The following GBP7 variants were observed in gnomAD, a reference collection of about 807,000 sequenced individuals.
The protein encoded by GBP7 is guanylate-binding protein 7.
A neutral mutation model predicts 61.3 loss-of-function variants in GBP7; 43 were observed. The observed-to-expected ratio is 0.70, with a 90% CI of 0.55 to 0.91. GBP7 has a LOEUF of 0.91. Ranked by LOEUF, GBP7 falls within the 40% of genes least tolerant of loss-of-function variation. GBP7 has a pLI of 0.00. For synonymous variants in GBP7, 267 were observed against 271.0 expected (o/e 0.99, Z 0.14); for missense variants, 717 against 740.5 (o/e 0.97, Z 0.37).
At chr1:89,150,209 T>C (rs770593410) in intron 6 of GBP7, 121 bp downstream of exon 6, 275 of 912,008 alleles carry the variant, frequency 3.0e-4, no homozygotes, top group Non-Finnish European at 4.2e-4. Context: ...CCTTCACTTA[T>C]CCCACACCTC....
At chr1:89,148,610 T>G (rs372495677) in intron 7 of GBP7, among the ~76,000 whole-genome samples, 2 of 152,166 alleles carry the variant, frequency 1.3e-5, no homozygotes, top group African/African-American at 4.8e-5. Context: ...CCAGAGAAAT[T>G]AGAAACAAGA....
intron 3 of GBP7, among the ~76,000 whole-genome samples, chr1:89,164,178 C>T (rs72961499): frequency 0.011 from 1,733 of 152,146 alleles, 34 homozygotes; most frequent in African/African-American, 0.04. Flanking sequence ...CTAGCTAGTG[C>T]TTTTCTAGAC....
In GBP7 at chr1:89,147,755, C is replaced by A; in HGVS notation, c.1177G>T (p.Asp393Tyr). ...LVDTMEKKKEDFVLQNEEASA... is the reference protein window; with the variant it reads ...LVDTMEKKKEYFVLQNEEASA... ...GCCTCTTCATTCTGCAGCACAAAGTCTTCCTTCTTTTTCTCCATGGTGTCC... is the reference window on the plus strand; with the variant it reads ...GCCTCTTCATTCTGCAGCACAAAGTATTCCTTCTTTTTCTCCATGGTGTCC... The change falls in exon 8 of 11, where the codon GAC (aspartate) becomes TAC (tyrosine). Residue 393 changes from aspartate (D) to tyrosine (Y), a missense_variant. Transcript: ENST00000294671. 1 of 1,614,150 alleles carries A rather than the reference C, an allele frequency of 6.2e-7. No homozygotes were observed. Among genetic ancestry groups the A allele is most frequent in the Non-Finnish European group, 8.5e-7 (1 of 1,180,006 alleles).
intron 4 of GBP7, 45 bp downstream of exon 4, chr1:89,152,623 C>T (rs1682229413): frequency 6.3e-7 from 1 of 1,578,358 alleles, no homozygotes; most frequent in African/African-American, 1.4e-5. Flanking sequence ...GTTTCCATTC[C>T]CCTAAACTCC....
chr1:89,154,979 C>A (rs1483187264), intron 3 of GBP7, among the ~76,000 whole-genome samples: 2 of 152,038 alleles, frequency 1.3e-5, no homozygotes, highest in African/African-American at 4.8e-5. Context: ...CTCAAACAGC[C>A]GGGTGCCCCT....
intron 4 of GBP7, 61 bp from the exon 5 acceptor site, chr1:89,152,525 A>T: frequency 6.4e-7 from 1 of 1,558,114 alleles, no homozygotes; most frequent in Non-Finnish European, 8.8e-7. Flanking sequence ...CTCACTTAGA[A>T]ACAAGTTTTA....
chr1:89,152,642 TG>T (rs1380640791), intron 4 of GBP7, 25 bp downstream of exon 4: 1 of 1,601,994 alleles, frequency 6.2e-7, no homozygotes, highest in Non-Finnish European at 8.5e-7. Context: ...CCATAAAACC[TG>T]GCTCTTCACT....
At chr1:89,157,289 A>G (rs1251808091) in intron 3 of GBP7, among the ~76,000 whole-genome samples, 1 of 152,220 alleles carries the variant, frequency 6.6e-6, no homozygotes, top group East Asian at 1.9e-4. Flanking sequence ...ATCACAATTA[A>G]AAGAACTAGA....
intron 3 of GBP7, among the ~76,000 whole-genome samples, chr1:89,153,661 T>C (rs545045060): frequency 4.1e-4 from 63 of 152,292 alleles, no homozygotes; most frequent in African/African-American, 1.5e-3. Context: ...CAGATAGCAT[T>C]GTCAACATAA....
chr1:89,167,391 G>C (rs1348662317), intron 2 of GBP7, among the ~76,000 whole-genome samples: 1 of 152,158 alleles, frequency 6.6e-6, no homozygotes, highest in African/African-American at 2.4e-5. Context: ...CCCTTCACAA[G>C]ATAAGAACAT....
At chr1:89,153,452 C>T (rs942888668) in intron 3 of GBP7, among the ~76,000 whole-genome samples, 1 of 152,144 alleles carries the variant, frequency 6.6e-6, no homozygotes, top group Admixed American at 6.5e-5. Flanking sequence ...AATGCAGTGC[C>T]TACAGCATAG....
At chr1:89,165,615 GC>G (rs1647404753) in intron 2 of GBP7, among the ~76,000 whole-genome samples, 1 of 151,980 alleles carries the variant, frequency 6.6e-6, no homozygotes, top group South Asian at 2.1e-4. Context: ...CATGTCCTTT[GC>G]AGGGACATGG....
rs901176549 is a variant in GBP7, at chr1:89,164,664, A to T, written c.318+67T>A. 3 of 1,482,562 alleles carry T rather than the reference A, an allele frequency of 2.0e-6. No individual in the cohort carries two copies. In the African/African-American group the frequency reaches 4.2e-5, roughly 21 times the overall value. The allele number at this position is 1,482,562 out of a possible 1,614,324, so 91.8% of individuals were successfully genotyped here. On this transcript the variant is annotated intron_variant, in intron 3 of 10. Transcript: ENST00000294671. ...GGAATAGGCCAGAGAAGTTGGATTGATACTATGCATAAAAACATAAATAGA... is the reference window on the plus strand; with the variant it reads ...GGAATAGGCCAGAGAAGTTGGATTGTTACTATGCATAAAAACATAAATAGA...
rs1570361455 is a variant in GBP7, at chr1:89,166,427, C to T, written c.191-1569G>A. ...TAGTTGAGGAGTCTGTGATTTGAAC[C>T]CCTGAATATGTAGCCCAGTAAGACC... On this transcript the variant is annotated intron_variant, in intron 2 of 10. Transcript: ENST00000294671. Among the ~76,000 whole-genome samples, 7 of 152,176 alleles carry T rather than the reference C, an allele frequency of 4.6e-5. No homozygotes were observed. In the South Asian group the frequency reaches 1.4e-3, roughly 32 times the overall value.
chr1:89,137,309 C>G (rs1281330685), intron 9 of GBP7, among the ~76,000 whole-genome samples: 2 of 152,024 alleles, frequency 1.3e-5, no homozygotes, highest in African/African-American at 2.4e-5. Context: ...TTCTATGAGG[C>G]CAGCATCATT....
intron 10 of GBP7, 92 bp from the exon 11 acceptor site, chr1:89,132,495 C>A (rs1201437713): frequency 5.4e-5 from 50 of 918,772 alleles, no homozygotes; most frequent in Non-Finnish European, 7.4e-5. Context: ...AACATGTGTC[C>A]ATTTCTCTAA....
chr1:89,137,660 A>G (rs1244000746), intron 9 of GBP7, among the ~76,000 whole-genome samples: 3 of 152,282 alleles, frequency 2.0e-5, no homozygotes, highest in East Asian at 3.9e-4. Context: ...TCAAAATAAT[A>G]AAAGCCATCT....
At chr1:89,143,959 C>CAGTCAA (rs1446389047) in intron 8 of GBP7, among the ~76,000 whole-genome samples, 1 of 152,166 alleles carries the variant, frequency 6.6e-6, no homozygotes, top group Non-Finnish European at 1.5e-5. Context: ...GTTTGGGCTT[C>CAGTCAA]AGTCAAAACA....
chr1:89,149,431 A>T lies in GBP7; in HGVS notation c.1013T>A (p.Met338Lys). 1 of 1,614,164 alleles carries T rather than the reference A, an allele frequency of 6.2e-7. No individual in the cohort carries two copies. The highest frequency in any genetic ancestry group is 1.1e-5 in the South Asian group (1 of 91,076). ...QRAANHYSQQ[M>K]AQQVRFPTDT... is the part of the protein sequence containing the mutation. ...TGTGGGGAATCTCACTTGCTGGGCCATCTGCTGGCTGTAGTGGTTGGCTGC... is the reference window on the plus strand; with the variant it reads ...TGTGGGGAATCTCACTTGCTGGGCCTTCTGCTGGCTGTAGTGGTTGGCTGC... The change falls in exon 7 of 11, where the codon ATG (methionine) becomes AAG (lysine). Residue 338 changes from methionine to lysine, a missense_variant. This residue lies in a region of GBP7 where 18 missense variants were observed against 45.2 expected (regional missense o/e 0.40). Transcript: ENST00000294671.
Sources: gnomAD v4.1 joint callset for allele counts (sites outside exome capture counted in the v4.1 genomes callset) on GRCh38, gnomAD v4.1.1 for gene constraint, gnomAD v4.1.1 regional missense constraint, MANE v1.5 for transcripts, NCBI Gene and HGNC (gene_info 2026-07-23, HGNC 2026-07-21) for gene names.